NBEAL1: variants seen among roughly 807,000 people sequenced by gnomAD.
NBEAL1 encodes the protein neurobeachin-like protein 1.
A neutral mutation model predicts 351.3 loss-of-function variants in NBEAL1; 273 were observed. That is an observed-to-expected ratio of 0.78 (90% CI 0.70 to 0.86). NBEAL1 has a LOEUF of 0.86. Ranked by LOEUF, NBEAL1 falls within the 40% of genes least tolerant of loss-of-function variation. NBEAL1 has a pLI of 0.00. For missense variants in NBEAL1, 2,961 were observed against 3,201.3 expected, an observed-to-expected ratio of 0.92 and a Z score of 1.81; for synonymous variants, 1,050 against 1,086.4, an observed-to-expected ratio of 0.97 and a Z score of 0.66.
intron 49 of NBEAL1, 101 bp downstream of exon 49, chr2:203,199,548 T>TC: frequency 1.8e-6 from 1 of 552,734 alleles, no homozygotes; most frequent in Admixed American, 3.6e-5. Flanking sequence ...AGAAATATTT[T>TC]TTTTTTTTTT....
chr2:203,171,155 G>T (rs866724687), intron 39 of NBEAL1, among the ~76,000 whole-genome samples: 1 of 152,100 alleles, frequency 6.6e-6, no homozygotes, highest in South Asian at 2.1e-4. Flanking sequence ...CGACTCAGGA[G>T]GCTGAGGAAG....
At chr2:203,038,860 T>C (rs974351046) in intron 2 of NBEAL1, among the ~76,000 whole-genome samples, 1 of 148,340 alleles carries the variant, frequency 6.7e-6, no homozygotes, top group African/African-American at 2.4e-5. Context: ...TTCTATTTTT[T>C]GAAGAGATGG....
In NBEAL1 at chr2:203,172,782, T is replaced by C. The variant is rs746896928; in HGVS notation, c.6252T>C (p.Pro2084=). 6.2e-7 allele frequency: 1 copy of C among 1,612,810 alleles called. No individual in the cohort carries two copies. The highest frequency in any genetic ancestry group is 8.5e-7 in the Non-Finnish European group (1 of 1,179,206). ...YTSEELDLNN[P]AVFRDLSKPI... Reference sequence around the variant, plus strand: ...CGGAAGAGTTGGACCTTAATAACCCTGCTGTATTTCGAGATCTTTCCAAAC... The same window carrying C: ...CGGAAGAGTTGGACCTTAATAACCCCGCTGTATTTCGAGATCTTTCCAAAC... The change falls in exon 41 of 56, where the codon CCT becomes CCC. Residue 2084 remains proline (P), a synonymous_variant. Coordinates refer to ENST00000683969, the MANE Select transcript of NBEAL1 (RefSeq NM_001378026.1).
In NBEAL1 at chr2:203,113,018, T is replaced by G; in HGVS notation, c.2206T>G (p.Phe736Val). 6.9e-7 allele frequency: 1 copy of G among 1,459,672 alleles called. No homozygotes were observed. Among genetic ancestry groups the G allele is most frequent in the Non-Finnish European group, 9.1e-7 (1 of 1,102,366 alleles). 90.4% of individuals were successfully genotyped at this position (1,459,672 alleles called of 1,614,324 possible). A position where few individuals can be genotyped will look rare whatever the true frequency, so the allele number is the denominator to read the frequency against. The change falls in exon 17 of 56, where the codon TTT (phenylalanine) becomes GTT (valine). Residue 736 changes from phenylalanine (F) to valine (V), a missense_variant. Physicochemically the swap from Phe to Val is conservative, Grantham distance 50. Transcript: ENST00000683969. ...PLRFPAMNEP[F>V]TSCCIGSAGQ... The stretch of plus-strand genomic sequence containing the variant: ...TAATTTGTTTGTTTGTTTTTAGCCC[T>G]TTACTTCCTGTTGCATTGGTTCAGC...
chr2:203,117,021 G>A (rs1345794767), intron 18 of NBEAL1, among the ~76,000 whole-genome samples: 6 of 152,032 alleles, frequency 3.9e-5, no homozygotes, highest in Non-Finnish European at 8.8e-5. Context: ...AGAATTGATC[G>A]AACCCGGGAG....
At chr2:203,124,097 G>A (rs2062887203) in intron 19 of NBEAL1, among the ~76,000 whole-genome samples, 1 of 152,176 alleles carries the variant, frequency 6.6e-6, no homozygotes, top group East Asian at 1.9e-4. Context: ...AGTACTTTGG[G>A]AGGCCATGGC....
intron 10 of NBEAL1, among the ~76,000 whole-genome samples, chr2:203,087,186 G>C (rs2061978920): frequency 6.8e-6 from 1 of 146,300 alleles, no homozygotes; most frequent in African/African-American, 2.5e-5. Flanking sequence ...TCCGCCTCCT[G>C]GGTTCAAGCG....
chr2:203,168,593 T>G (rs2106401478), intron 38 of NBEAL1, among the ~76,000 whole-genome samples: 1 of 145,334 alleles, frequency 6.9e-6, no homozygotes. Flanking sequence ...CCAAAATAGG[T>G]AAATAAATAA....
chr2:203,142,595 A>G (rs536254727), intron 31 of NBEAL1, among the ~76,000 whole-genome samples: 1 of 152,342 alleles, frequency 6.6e-6, no homozygotes, highest in South Asian at 2.1e-4. Context: ...TCTTATATTC[A>G]TTAAAAGTAC....
At chr2:203,174,804 T>C (rs1482409850) in intron 41 of NBEAL1, among the ~76,000 whole-genome samples, 1 of 151,466 alleles carries the variant, frequency 6.6e-6, no homozygotes, top group East Asian at 1.9e-4. Context: ...GGCAGGAGAA[T>C]GATGTGAACC....
intron 55 of NBEAL1, among the ~76,000 whole-genome samples, chr2:203,214,937 C>A (rs2065872931): frequency 6.6e-6 from 1 of 152,174 alleles, no homozygotes; most frequent in African/African-American, 2.4e-5. Flanking sequence ...ATGTAAAAAT[C>A]AGATGGTAAG....
Position 203,209,234 on chromosome 2 carries a change from C to A in NBEAL1, c.7697C>A (p.Ser2566Tyr). The A allele has an allele frequency of 6.2e-7, 1 of 1,613,662 alleles. No individual in the cohort carries two copies. The highest frequency in any genetic ancestry group is 8.5e-7 in the Non-Finnish European group (1 of 1,179,612). The change falls in exon 53 of 56, where the codon TCT (serine) becomes TAT (tyrosine). Residue 2566 changes from serine to tyrosine, a missense_variant. Ser to Tyr is a moderately radical substitution (Grantham distance 144, BLOSUM62 -2). Coordinates refer to ENST00000683969, the MANE Select transcript of NBEAL1 (RefSeq NM_001378026.1). ...ACTTTACGACCACCTTGTGAGAGTT[C>A]TCTGTTCCTGACCATTCCTAATTTG... Reference protein sequence around the residue: ...MRTLRPPCESSLFLTIPNLAI... With the variant: ...MRTLRPPCESYLFLTIPNLAI...
intron 38 of NBEAL1, among the ~76,000 whole-genome samples, chr2:203,168,954 A>G (rs1336625342): frequency 6.6e-6 from 1 of 151,806 alleles, no homozygotes; most frequent in South Asian, 2.1e-4. Context: ...TAAAGAAACT[A>G]TAAGTGAATT....
intron 2 of NBEAL1, among the ~76,000 whole-genome samples, chr2:203,019,110 G>A (rs2060727538): frequency 6.6e-6 from 1 of 152,062 alleles, no homozygotes; most frequent in South Asian, 2.1e-4. Flanking sequence ...CAGTTTGAAC[G>A]TTTTGCTCAT....
intron 41 of NBEAL1, among the ~76,000 whole-genome samples, chr2:203,173,287 A>C (rs2064381035): frequency 6.6e-6 from 1 of 152,132 alleles, no homozygotes; most frequent in African/African-American, 2.4e-5. Flanking sequence ...AATGTGTGGC[A>C]ATTTAGAACA....
At chr2:203,044,661 T>G (rs1262644691) in intron 3 of NBEAL1, among the ~76,000 whole-genome samples, 2 of 152,214 alleles carry the variant, frequency 1.3e-5, no homozygotes, top group Non-Finnish European at 2.9e-5. Flanking sequence ...AACTGAAACA[T>G]GAATTTAATT....
intron 7 of NBEAL1, among the ~76,000 whole-genome samples, chr2:203,072,644 C>T (rs765118494): frequency 6.6e-6 from 1 of 152,166 alleles, no homozygotes; most frequent in Non-Finnish European, 1.5e-5. Flanking sequence ...CACTAGAACA[C>T]AGTTGAGCCA....
intron 38 of NBEAL1, among the ~76,000 whole-genome samples, chr2:203,169,388 TAAAAAAA>T: frequency 1.1e-5 from 1 of 89,632 alleles, no homozygotes; most frequent in Middle Eastern, 6.7e-3. Context: ...TTGAATATAG[TAAAAAAA>T]AAAAAAAAAA....
chr2:203,101,695 A>G (rs1203247058), intron 12 of NBEAL1, among the ~76,000 whole-genome samples: 3 of 152,120 alleles, frequency 2.0e-5, no homozygotes, highest in African/African-American at 7.2e-5. Context: ...TTCCAGGTCC[A>G]AGCGATTCTC....
Sources: allele counts gnomAD v4.1 joint callset (sites outside exome capture counted in the v4.1 genomes callset), GRCh38; gene constraint gnomAD v4.1.1; transcripts MANE v1.5; gene names NCBI Gene and HGNC (gene_info 2026-07-23, HGNC 2026-07-21).